Variants in POU2F2 observed in about 807,000 individuals in gnomAD.
POU2F2 encodes the protein POU class 2 homeobox 2.
A neutral mutation model predicts 63.5 loss-of-function variants in POU2F2; 14 were observed. The observed-to-expected ratio is 0.22, with a 90% CI of 0.15 to 0.34. POU2F2 has a LOEUF of 0.34. Ranked by LOEUF, POU2F2 falls within the 10% of genes least tolerant of loss-of-function variation. POU2F2 has a pLI of 1.00. For missense variants in POU2F2, 607 were observed against 815.2 expected (o/e 0.74, Z 3.11); for synonymous variants, 306 against 348.6 (o/e 0.88, Z 1.36).
chr19:42,121,358 A>G (rs115366160), intron 4 of POU2F2, among the ~76,000 whole-genome samples: 1,523 of 152,280 alleles, frequency 0.01, 25 homozygotes, highest in African/African-American at 0.034. Flanking sequence ...AGGCAACCAC[A>G]GAGGCCATCC....
chr19:42,131,987 A>C (rs1438726710), intron 1 of POU2F2, among the ~76,000 whole-genome samples: 1 of 151,784 alleles, frequency 6.6e-6, no homozygotes, highest in African/African-American at 2.4e-5. Context: ...GCACACACAC[A>C]CTCAAAAGGG....
chr19:42,157,733 G>C (rs1420695131), intron 2 of POU2F2, among the ~76,000 whole-genome samples: 1 of 152,208 alleles, frequency 6.6e-6, no homozygotes, highest in Non-Finnish European at 1.5e-5. Context: ...TCCAGCCCAT[G>C]GGTCAAGAAA....
At chr19:42,137,813 A>C (rs2034047674) in intron 2 of POU2F2, among the ~76,000 whole-genome samples, 1 of 152,204 alleles carries the variant, frequency 6.6e-6, no homozygotes. Context: ...GCAATTAGAC[A>C]CAGTATTCTC....
intron 1 of POU2F2, among the ~76,000 whole-genome samples, chr19:42,127,009 T>C (rs778495241): frequency 5.9e-4 from 90 of 152,110 alleles, no homozygotes; most frequent in Middle Eastern, 3.4e-3. Flanking sequence ...CTCGACCTCC[T>C]GGGGTCAAGC....
At chr19:42,113,460 G>A (rs1462739844) in intron 5 of POU2F2, among the ~76,000 whole-genome samples, 1 of 152,222 alleles carries the variant, frequency 6.6e-6, no homozygotes, top group East Asian at 1.9e-4. Context: ...TTGCAGGGAA[G>A]GATCCTGCCA....
chr19:42,095,777 C>T lies in POU2F2; in HGVS notation c.871+11G>A, dbSNP rs771586140. The T allele has an allele frequency of 6.2e-7, 1 of 1,613,930 alleles. No homozygotes were observed. The highest frequency in any genetic ancestry group is 8.5e-7 in the Non-Finnish European group (1 of 1,179,924). ...CCCGCCCCCTACGCGGGAACCCCAG[C>T]CTGGTCCCACCTGCATCGTTGAGCC... On this transcript the variant is annotated intron_variant, in intron 9 of 14. Transcript: ENST00000692977. This position sits in a 1 kb window ranked among gnomAD's most constrained non-coding sequence, Gnocchi z 7.1.
At chr19:42,174,109 CAGCCAT>C (rs2034824678) in intron 1 of POU2F2, among the ~76,000 whole-genome samples, 1 of 152,134 alleles carries the variant, frequency 6.6e-6, no homozygotes, top group African/African-American at 2.4e-5. Context: ...CCGTCAAACT[CAGCCAT>C]ACGCCCGCGA....
chr19:42,158,991 T>C (rs1331625869), intron 2 of POU2F2, among the ~76,000 whole-genome samples: 1 of 152,170 alleles, frequency 6.6e-6, no homozygotes, highest in Non-Finnish European at 1.5e-5. Context: ...CAGGGGTCCA[T>C]GAATGAGCTT....
At chr19:42,101,172 G>C (rs962328604) in intron 5 of POU2F2, among the ~76,000 whole-genome samples, 24 of 152,220 alleles carry the variant, frequency 1.6e-4, no homozygotes, top group Admixed American at 1.3e-3. Context: ...TCTGGAATTA[G>C]CTTTAAAATA....
intron 1 of POU2F2, among the ~76,000 whole-genome samples, chr19:42,186,252 G>A (rs1384119359): frequency 1.3e-5 from 2 of 152,110 alleles, no homozygotes; most frequent in African/African-American, 4.8e-5. Flanking sequence ...GTGAACCCGG[G>A]AGGCAGAGCT....
chr19:42,136,914 C>T (rs569960472), upstream of POU2F2: 133 of 152,380 alleles, frequency 8.7e-4, no homozygotes, highest in African/African-American at 3.2e-3. Context: ...CCATTTCCTT[C>T]AATTCAAACA....
chr19:42,104,069 C>T (rs775169344), intron 5 of POU2F2, among the ~76,000 whole-genome samples: 4 of 152,154 alleles, frequency 2.6e-5, no homozygotes, highest in Non-Finnish European at 4.4e-5. Context: ...GGCTGACAGA[C>T]AGGTCTGGAG....
chr19:42,153,427 G>C lies in POU2F2; in HGVS notation c.-9+6905C>G, dbSNP rs537034072. 3.9e-5 allele frequency among the ~76,000 whole-genome samples: 6 copies of C among 152,156 alleles called. No individual in the cohort carries two copies. The highest frequency in any genetic ancestry group is 7.4e-5 in the Non-Finnish European group (5 of 68,012). On this transcript the variant is annotated intron_variant, in intron 2 of 6. Coordinates refer to the POU2F2 transcript ENST00000524801. This position sits in a 1 kb window ranked among gnomAD's most constrained non-coding sequence, Gnocchi z 5.6. ...TCCTCTGTCCCCAGTTAATGGGGTAGCTATGTGTTCCCATGTGCTCTGGGA... is the reference window on the plus strand; with the variant it reads ...TCCTCTGTCCCCAGTTAATGGGGTACCTATGTGTTCCCATGTGCTCTGGGA...
chr19:42,105,217 C>T (rs1199791020), intron 5 of POU2F2, among the ~76,000 whole-genome samples: 1 of 152,158 alleles, frequency 6.6e-6, no homozygotes, highest in African/African-American at 2.4e-5. Context: ...GTTGCATAAT[C>T]TTTTGGCCCC....
At chr19:42,133,418 C>T (rs1435097562), upstream of POU2F2, 1 of 154,416 alleles carries the variant, frequency 6.5e-6, no homozygotes, top group Non-Finnish European at 1.5e-5. This position sits in a 1 kb window ranked among gnomAD's most constrained non-coding sequence, Gnocchi z 5.1. Context: ...CAAAGGCGCG[C>T]CCGAGTCCGC....
At chr19:42,141,385 C>T (rs75660843) in intron 2 of POU2F2, among the ~76,000 whole-genome samples, 14,113 of 152,058 alleles carry the variant, frequency 0.093, 890 homozygotes, top group Middle Eastern at 0.2. Context: ...GCTGTGTGAC[C>T]CTGGGCAGGT....
chr19:42,107,689 T>C (rs1362074154), intron 5 of POU2F2, among the ~76,000 whole-genome samples: 1 of 152,204 alleles, frequency 6.6e-6, no homozygotes, highest in Non-Finnish European at 1.5e-5. Context: ...GTAATTTTTT[T>C]CCCATCCAAG....
chr19:42,107,827 A>G (rs79096099), intron 5 of POU2F2, among the ~76,000 whole-genome samples: 2 of 152,326 alleles, frequency 1.3e-5, no homozygotes, highest in Non-Finnish European at 2.9e-5. Flanking sequence ...GGTATAATCC[A>G]GATCCAGGCT....
chr19:42,161,657 G>A (rs996899633), intron 1 of POU2F2, among the ~76,000 whole-genome samples: 4 of 151,938 alleles, frequency 2.6e-5, no homozygotes, highest in East Asian at 1.9e-4. Context: ...AGAGACCAGG[G>A]AAAAGCCCAA....
Sources: gnomAD v4.1 joint callset for allele counts (sites outside exome capture counted in the v4.1 genomes callset) on GRCh38, gnomAD v4.1.1 for gene constraint, Gnocchi (gnomAD v3.1) non-coding constraint, MANE v1.5 for transcripts, NCBI Gene and HGNC (gene_info 2026-07-23, HGNC 2026-07-21) for gene names.